NRG3: variants seen among roughly 807,000 people sequenced by gnomAD.
NRG3 encodes pro-neuregulin-3, membrane-bound isoform.
In NRG3, 31 loss-of-function variants were observed where a neutral mutation model predicts 66.9. The ratio of observed to expected loss-of-function variants is 0.46; its 90% confidence interval spans 0.35 to 0.63. The LOEUF (loss-of-function observed/expected upper bound fraction) is 0.63, where lower values mean the gene tolerates loss of function less well. NRG3 is among the 20% of genes least tolerant of loss of function. The pLI is 0.00. For missense variants in NRG3, 910 were observed against 878.9 expected, an observed-to-expected ratio of 1.04 and a Z score of -0.45; for synonymous variants, 393 against 359.4, an observed-to-expected ratio of 1.09 and a Z score of -1.06.
chr10:82,893,003 A>C lies in NRG3; in HGVS notation c.1054+27566A>C, dbSNP rs531513483. ...TTGATAGAATAAAAAACAAACTTAA[A>C]TATTTATAACATAATGGGATATCTT... On this transcript the variant is annotated intron_variant, in intron 4 of 8. Coordinates refer to ENST00000372141, the MANE Select transcript of NRG3 (RefSeq NM_001010848.4). Among the ~76,000 whole-genome samples the C allele has an allele frequency of 2.7e-4, 41 of 152,254 alleles. No homozygotes were observed. In the South Asian group the frequency reaches 7.9e-3, roughly 29 times the overall value.
At chr10:82,312,283 C>T (rs1341456235) in intron 1 of NRG3, among the ~76,000 whole-genome samples, 1 of 152,098 alleles carries the variant, frequency 6.6e-6, no homozygotes, top group African/African-American at 2.4e-5. Context: ...TCTGAAGAGG[C>T]CATTGAAGGC....
chr10:82,262,337 A>G lies in NRG3; in HGVS notation c.824-96402A>G, dbSNP rs533117571. 2.6e-5 allele frequency among the ~76,000 whole-genome samples: 4 copies of G among 152,272 alleles called. No individual in the cohort carries two copies. In the East Asian group the frequency reaches 7.7e-4, roughly 29 times the overall value. On this transcript the variant is annotated intron_variant, in intron 1 of 8. Transcript: ENST00000372141. ...GTTTTATGCTTCGATTTGGGACCTT[A>G]AAGTATTCAGCCCTACTCTAGCAAA...
chr10:82,381,793 A>G (rs985029298), intron 2 of NRG3, among the ~76,000 whole-genome samples: 2 of 152,170 alleles, frequency 1.3e-5, no homozygotes, highest in Non-Finnish European at 2.9e-5. Flanking sequence ...TGTCCTGGAC[A>G]AACTGGAACA....
intron 1 of NRG3, among the ~76,000 whole-genome samples, chr10:82,023,883 TC>T (rs962647140): frequency 4.6e-5 from 7 of 152,110 alleles, no homozygotes; most frequent in African/African-American, 1.7e-4. Flanking sequence ...GTTTGAAAGT[TC>T]CCCTTCTCTT....
intron 2 of NRG3, among the ~76,000 whole-genome samples, chr10:82,583,532 A>C (rs534122227): frequency 2.4e-4 from 37 of 152,332 alleles, no homozygotes; most frequent in African/African-American, 8.2e-4. Context: ...GTTTGTCATA[A>C]CTACTTGTAA....
At chr10:82,826,731 G>C (rs1025506469) in intron 3 of NRG3, among the ~76,000 whole-genome samples, 12 of 152,100 alleles carry the variant, frequency 7.9e-5, no homozygotes, top group Non-Finnish European at 1.6e-4. Flanking sequence ...ACGCAAAGAT[G>C]GGAACAACAG....
chr10:82,219,116 T>G (rs1379086854), intron 1 of NRG3, among the ~76,000 whole-genome samples: 2 of 151,812 alleles, frequency 1.3e-5, no homozygotes, highest in Admixed American at 1.3e-4. Context: ...CAAATAATAT[T>G]TCATCTTTAG....
Position 82,123,727 on chromosome 10 carries a change from C to G in NRG3, c.824-235012C>G, listed in dbSNP as rs372713090. Among the ~76,000 whole-genome samples the G allele has an allele frequency of 5.3e-5, 8 of 152,248 alleles. 1 individual carries two copies. Among genetic ancestry groups the G allele is most frequent in the African/African-American group, 1.9e-4 (8 of 41,570 alleles). ...AGTCTAAATCAACCAAATATAGAGTCTGGAATTCTAATATAGTAGATCTGA... is the reference window on the plus strand; with the variant it reads ...AGTCTAAATCAACCAAATATAGAGTGTGGAATTCTAATATAGTAGATCTGA... On this transcript the variant is annotated intron_variant, in intron 1 of 8. Coordinates refer to ENST00000372141, the MANE Select transcript of NRG3 (RefSeq NM_001010848.4).
At chr10:82,531,531 G>C (rs938131903) in intron 2 of NRG3, among the ~76,000 whole-genome samples, 1 of 151,422 alleles carries the variant, frequency 6.6e-6, no homozygotes, top group Non-Finnish European at 1.5e-5. Context: ...ACCAACATAA[G>C]CCAATTTATT....
chr10:82,880,041 T>A (rs1564597142), intron 4 of NRG3, among the ~76,000 whole-genome samples: 1 of 148,166 alleles, frequency 6.7e-6, no homozygotes, highest in East Asian at 2.1e-4. Context: ...ATGGGCTCCG[T>A]TTATTGATGA....
chr10:81,994,493 A>G (rs1442551775), intron 1 of NRG3, among the ~76,000 whole-genome samples: 2 of 151,898 alleles, frequency 1.3e-5, no homozygotes. Flanking sequence ...CTAGTACTTG[A>G]GATTTTCTTT....
intron 2 of NRG3, among the ~76,000 whole-genome samples, chr10:82,400,570 C>CT (rs59452570): frequency 0.39 from 54,195 of 139,810 alleles, 12,128 homozygotes; most frequent in African/African-American, 0.63. Flanking sequence ...GAGGCAGATT[C>CT]TTTTTTTTTT....
rs756634177 is a variant in NRG3 at position 82,508,625 on chromosome 10, C to T, written c.953+149757C>T. Among the ~76,000 whole-genome samples the T allele has an allele frequency of 4.5e-4, 69 of 152,302 alleles. 1 individual carries two copies. In the Middle Eastern group the frequency reaches 0.034, roughly 75 times the overall value. On this transcript the variant is annotated intron_variant, in intron 2 of 8. Transcript: ENST00000372141. ...GGACTTGAAGTTGTGCACAGATCTGCATTTAGTGTTGTTTGCCACTTCTTC... is the reference window on the plus strand; with the variant it reads ...GGACTTGAAGTTGTGCACAGATCTGTATTTAGTGTTGTTTGCCACTTCTTC...
intron 1 of NRG3, among the ~76,000 whole-genome samples, chr10:82,311,512 T>G (rs564709130): frequency 3.9e-5 from 6 of 152,274 alleles, no homozygotes; most frequent in South Asian, 2.1e-4. Flanking sequence ...TATATTTATT[T>G]TTCATTATAG....
chr10:82,177,028 G>A (rs2073091577), intron 1 of NRG3, among the ~76,000 whole-genome samples: 1 of 151,734 alleles, frequency 6.6e-6, no homozygotes, highest in Non-Finnish European at 1.5e-5. Flanking sequence ...CAACATCGTA[G>A]CCTACCCTTT....
intron 6 of NRG3, among the ~76,000 whole-genome samples, chr10:82,968,266 A>G (rs1427593069): frequency 2.0e-5 from 3 of 152,176 alleles, no homozygotes; most frequent in Non-Finnish European, 4.4e-5. Flanking sequence ...ATGCTTCCAC[A>G]AGTTTCAAGC....
chr10:82,023,319 T>A (rs1248097886), intron 1 of NRG3, among the ~76,000 whole-genome samples: 1 of 152,080 alleles, frequency 6.6e-6, no homozygotes, highest in African/African-American at 2.4e-5. Context: ...TAATTTCATT[T>A]CTTTTTTCAC....
chr10:82,428,354 G>A (rs2089582058), intron 2 of NRG3, among the ~76,000 whole-genome samples: 1 of 147,230 alleles, frequency 6.8e-6, no homozygotes, highest in Non-Finnish European at 1.5e-5. Flanking sequence ...CACAGCAATA[G>A]CTGAATTTCA....
chr10:82,702,733 G>T (rs1401592606), intron 2 of NRG3, among the ~76,000 whole-genome samples: 1 of 152,140 alleles, frequency 6.6e-6, no homozygotes, highest in East Asian at 1.9e-4. Flanking sequence ...GGACACACGA[G>T]TCCTTTGATG....
Sources: allele counts gnomAD v4.1 joint callset (sites outside exome capture counted in the v4.1 genomes callset), GRCh38; gene constraint gnomAD v4.1.1; transcripts MANE v1.5; gene names NCBI Gene and HGNC (gene_info 2026-07-23, HGNC 2026-07-21).